Variants in SLTM observed in about 807,000 individuals in gnomAD.
The protein encoded by SLTM is SAFB like transcription modulator, also known as SAFB-like transcription modulator.
Under a neutral mutation model 134.6 loss-of-function variants are expected in SLTM, and 43 were observed. That is an observed-to-expected ratio of 0.32 (90% CI 0.25 to 0.41). The LOEUF is 0.41. Ranked by LOEUF, SLTM falls within the 10% of genes least tolerant of loss-of-function variation. SLTM has a pLI of 1.00. For missense variants in SLTM, 1,055 were observed against 1,288.8 expected (o/e 0.82, Z 2.78); for synonymous variants, 424 against 432.3 (o/e 0.98, Z 0.24).
At chr15:58,925,464 A>C (rs1186418336) in intron 2 of SLTM, among the ~76,000 whole-genome samples, 2 of 152,106 alleles carry the variant, frequency 1.3e-5, no homozygotes, top group African/African-American at 4.8e-5. Context: ...CAGCCTCCTG[A>C]GTAGCTAAGG....
At chr15:58,896,968 A>G (rs2035126712) in intron 9 of SLTM, 147 bp downstream of exon 9, 1 of 546,498 alleles carries the variant, frequency 1.8e-6, no homozygotes, top group Non-Finnish European at 3.3e-6. Flanking sequence ...CTCATCTACC[A>G]TTACCACAGA....
intron 20 of SLTM, among the ~76,000 whole-genome samples, chr15:58,880,429 C>T (rs1382100297): frequency 1.3e-5 from 2 of 152,126 alleles, no homozygotes; most frequent in East Asian, 3.9e-4. Flanking sequence ...AGTGTGGACC[C>T]CAAACCAGCA....
At chr15:58,906,228 T>C (rs1312755969) in intron 5 of SLTM, among the ~76,000 whole-genome samples, 1 of 152,184 alleles carries the variant, frequency 6.6e-6, no homozygotes. Flanking sequence ...GAAAACAGAT[T>C]TTTTTTCCAA....
At position 58,899,949 on chromosome 15, in the gene SLTM, T is replaced by TA. The variant is rs2035352138; in HGVS notation, c.590-13dup. 6.3e-7 allele frequency: 1 copy of TA among 1,584,796 alleles called. No homozygotes were observed. The highest frequency in any genetic ancestry group is 1.4e-5 in the African/African-American group (1 of 74,042). On this transcript the variant is annotated splice_polypyrimidine_tract_variant and intron_variant, in intron 6 of 20. Coordinates refer to ENST00000380516, the MANE Select transcript of SLTM (RefSeq NM_024755.4). This position sits in a 1 kb window ranked among gnomAD's most constrained non-coding sequence, Gnocchi z 5.0. ...AGAACCTGCTATATCTAAGAGGATT[T>TA]AACAGGAATAAATATGGCAAAACAA...
At chr15:58,901,372 T>C (rs1374623443) in intron 5 of SLTM, 85 bp from the exon 6 acceptor site, 1 of 1,108,556 alleles carries the variant, frequency 9.0e-7, no homozygotes, top group Admixed American at 2.2e-5. Context: ...CAAGTTAAAA[T>C]TGGTGGATAA....
intron 6 of SLTM, chr15:58,900,574 C>G (rs2035405721): frequency 1.3e-5 from 2 of 152,606 alleles, no homozygotes; most frequent in African/African-American, 2.4e-5. Context: ...TCCCCCAAAA[C>G]AGAAAGGCTT....
chr15:58,907,058 A>G (rs2035910783), intron 5 of SLTM, among the ~76,000 whole-genome samples: 2 of 152,228 alleles, frequency 1.3e-5, no homozygotes, highest in African/African-American at 4.8e-5. Flanking sequence ...TGTGAACCAT[A>G]TAAGATATAT....
chr15:58,922,386 A>G (rs1378416951), intron 2 of SLTM, among the ~76,000 whole-genome samples: 2 of 146,588 alleles, frequency 1.4e-5, no homozygotes, highest in Non-Finnish European at 3.0e-5. Context: ...TCAAAAAAAA[A>G]AAAAAAAAAA....
At chr15:58,886,268 T>TGTGTA (rs1491155719) in intron 19 of SLTM, among the ~76,000 whole-genome samples, 1 of 126,366 alleles carries the variant, frequency 7.9e-6, no homozygotes, top group African/African-American at 3.1e-5. Flanking sequence ...TGTGTGTGTA[T>TGTGTA]TTTTTTTTTT....
rs1384531199 is a variant in SLTM at position 58,890,208 on chromosome 15, C to T, written c.2079+73G>A. 7 of 1,552,304 alleles carry T rather than the reference C, an allele frequency of 4.5e-6. No homozygotes were observed. In the Admixed American group the frequency reaches 1.3e-4, roughly 28 times the overall value. On this transcript the variant is annotated intron_variant, in intron 15 of 20. Coordinates refer to ENST00000380516, the MANE Select transcript of SLTM (RefSeq NM_024755.4). Reference sequence around the variant, plus strand: ...TATAGACGCTTTACAACAAGTAAAGCAAGTTTTAGGGCTAAAATCACAGAG... The same window carrying T: ...TATAGACGCTTTACAACAAGTAAAGTAAGTTTTAGGGCTAAAATCACAGAG...
chr15:58,896,735 T>C lies in SLTM; in HGVS notation c.1227+380A>G, dbSNP rs548575742. Reference sequence around the variant, plus strand: ...ATATCTGGTTCTCCCCAGGCCCCCGTGAATTATGTATCCCACTGACTAATA... The same window carrying C: ...ATATCTGGTTCTCCCCAGGCCCCCGCGAATTATGTATCCCACTGACTAATA... On this transcript the variant is annotated intron_variant, in intron 9 of 20. Transcript: ENST00000380516. Among the ~76,000 whole-genome samples the C allele has an allele frequency of 1.4e-4, 22 of 152,288 alleles. No individual in the cohort carries two copies. In the South Asian group the frequency reaches 4.4e-3, roughly 30 times the overall value.
chr15:58,893,272 G>A lies in SLTM; in HGVS notation c.1734+7C>T. 6.3e-7 allele frequency: 1 copy of A among 1,599,780 alleles called. No individual in the cohort carries two copies. The highest frequency in any genetic ancestry group is 8.5e-7 in the Non-Finnish European group (1 of 1,170,136). ...GTAGTATACAACCATCCTGATCAGA[G>A]ACTTACTTTCTCATATCTTCCTCTT... On this transcript the variant is annotated splice_region_variant and intron_variant, in intron 13 of 20. Transcript: ENST00000380516.
chr15:58,884,882 G>A (rs55790681), intron 19 of SLTM, among the ~76,000 whole-genome samples: 7,719 of 152,096 alleles, frequency 0.051, 462 homozygotes, highest in African/African-American at 0.14. Flanking sequence ...TAATCCTCCC[G>A]CCTTGGCCTC....
intron 11 of SLTM, 48 bp from the exon 12 acceptor site, chr15:58,894,035 G>T: frequency 6.2e-7 from 1 of 1,600,820 alleles, no homozygotes; most frequent in Non-Finnish European, 8.5e-7. Context: ...ACTTCATAAT[G>T]TACCAAAAAA....
At chr15:58,926,774 T>G (rs1282204525) in intron 2 of SLTM, among the ~76,000 whole-genome samples, 1 of 151,976 alleles carries the variant, frequency 6.6e-6, no homozygotes, top group Non-Finnish European at 1.5e-5. Flanking sequence ...CTACCACACC[T>G]GGCTAATTTT....
At chr15:58,884,756 T>C (rs2034044187) in intron 19 of SLTM, among the ~76,000 whole-genome samples, 1 of 152,046 alleles carries the variant, frequency 6.6e-6, no homozygotes, top group Non-Finnish European at 1.5e-5. Flanking sequence ...TTCAGCCTCC[T>C]GCCTAGCTGG....
intron 5 of SLTM, among the ~76,000 whole-genome samples, 180 bp from the exon 6 acceptor site, chr15:58,901,467 G>A (rs1303873226): frequency 2.0e-5 from 3 of 152,178 alleles, no homozygotes; most frequent in African/African-American, 7.2e-5. Flanking sequence ...AGAGAGATAT[G>A]TGGCACAAGT....
chr15:58,881,021 C>A (rs2033655356), intron 20 of SLTM, among the ~76,000 whole-genome samples: 1 of 151,530 alleles, frequency 6.6e-6, no homozygotes, highest in South Asian at 2.1e-4. Flanking sequence ...CCTCCCCCGA[C>A]AAAAAACCTT....
At chr15:58,913,290 A>G (rs1229996582) in intron 4 of SLTM, among the ~76,000 whole-genome samples, 1 of 152,168 alleles carries the variant, frequency 6.6e-6, no homozygotes, top group East Asian at 1.9e-4. Context: ...CTTACTCTAT[A>G]ACAACTATGT....
Sources: allele counts gnomAD v4.1 joint callset (sites outside exome capture counted in the v4.1 genomes callset), GRCh38; gene constraint gnomAD v4.1.1; non-coding constraint Gnocchi (gnomAD v3.1); transcripts MANE v1.5; gene names NCBI Gene and HGNC (gene_info 2026-07-23, HGNC 2026-07-21).